The following EXTL3 variants were observed in gnomAD, a reference collection of about 807,000 sequenced individuals.
EXTL3 encodes exostosin like glycosyltransferase 3.
Under a neutral mutation model 69.3 loss-of-function variants are expected in EXTL3, and 27 were observed. That is an observed-to-expected ratio of 0.39 (90% confidence interval 0.29 to 0.54). The LOEUF is 0.54. Ranked by LOEUF, EXTL3 falls within the 20% of genes least tolerant of loss-of-function variation. The pLI is 0.69. For missense variants in EXTL3, 1,003 were observed against 1,231.8 expected (o/e 0.81, Z 2.78); for synonymous variants, 511 against 499.4 (o/e 1.02, Z -0.31).
chr8:28,730,797 T>TG (rs11371107), intron 3 of EXTL3, among the ~76,000 whole-genome samples: 37,210 of 152,014 alleles, frequency 0.24, 4,694 homozygotes, highest in Middle Eastern at 0.32. Context: ...GCGTTAGAAT[T>TG]GGGAGTCAGA....
chr8:28,721,883 C>G (rs1211010537), intron 3 of EXTL3, among the ~76,000 whole-genome samples: 1 of 152,164 alleles, frequency 6.6e-6, no homozygotes, highest in Non-Finnish European at 1.5e-5. Flanking sequence ...AAAGGGACAT[C>G]TTTCATTTAC....
At chr8:28,664,368 T>C (rs557441689) in intron 1 of EXTL3, among the ~76,000 whole-genome samples, 1 of 148,012 alleles carries the variant, frequency 6.8e-6, no homozygotes, top group African/African-American at 2.6e-5. Flanking sequence ...AATCTTTCTT[T>C]CCATCTTTGT....
intron 1 of EXTL3, among the ~76,000 whole-genome samples, chr8:28,694,284 G>A (rs1029960336): frequency 6.6e-6 from 1 of 152,196 alleles, no homozygotes; most frequent in Non-Finnish European, 1.5e-5. Context: ...TGGCATATCT[G>A]TCACACTCTA....
At chr8:28,660,325 C>T (rs889713486) in intron 1 of EXTL3, among the ~76,000 whole-genome samples, 3 of 151,400 alleles carry the variant, frequency 2.0e-5, no homozygotes, top group Admixed American at 6.6e-5. Flanking sequence ...GATTGCACTG[C>T]GGCACTCCAG....
In EXTL3 at chr8:28,717,210, A is replaced by G. The variant is rs1369522088; in HGVS notation, c.1151A>G (p.Lys384Arg). ...DYDDRIIATL[K>R]AVQDSKLDQV... The stretch of plus-strand genomic sequence containing the variant: ...GATGACCGGATCATTGCCACCCTGA[A>G]GGCGGTGCAGGACAGCAAGCTGGAT... Residue 384 changes from lysine to arginine, a missense_variant, in exon 3 of 7, where the codon AAG (lysine) becomes AGG (arginine). Physicochemically the swap from Lys to Arg is conservative, Grantham distance 26 (BLOSUM62 2). Transcript: ENST00000220562. The surrounding 1 kb of genome is among the most constrained non-coding windows in gnomAD (Gnocchi z 8.3). 3 of 1,614,106 alleles carry G rather than the reference A, an allele frequency of 1.9e-6. No individual in the cohort carries two copies. The highest frequency in any genetic ancestry group is 2.5e-6 in the Non-Finnish European group (3 of 1,180,052).
intron 5 of EXTL3, chr8:28,742,384 G>T (rs1801798660): frequency 6.5e-6 from 1 of 154,102 alleles, no homozygotes; most frequent in African/African-American, 2.4e-5. Context: ...GGCCTTGTAG[G>T]ACAGTCTGAG....
chr8:28,703,941 A>G (rs1800866010), intron 1 of EXTL3, among the ~76,000 whole-genome samples: 1 of 152,176 alleles, frequency 6.6e-6, no homozygotes, highest in Non-Finnish European at 1.5e-5. Context: ...TCACGTTTGG[A>G]GGTTTCATGG....
At chr8:28,705,706 G>C (rs1800906879) in intron 1 of EXTL3, among the ~76,000 whole-genome samples, 1 of 152,158 alleles carries the variant, frequency 6.6e-6, no homozygotes, top group Non-Finnish European at 1.5e-5. Context: ...TGTTTGAGAA[G>C]CGAAAACCGT....
chr8:28,752,478 C>G lies in EXTL3; in HGVS notation c.*1612C>G, dbSNP rs1053029462. The stretch of plus-strand genomic sequence containing the variant: ...TCTATTTCTTGGAATACGTTCTCCT[C>G]TGACCTGCCTGTACCACGTGGGTCC... On this transcript the variant is annotated 3_prime_UTR_variant, in exon 7 of 7. Coordinates refer to ENST00000220562, the MANE Select transcript of EXTL3 (RefSeq NM_001440.4). 3.3e-5 allele frequency: 5 copies of G among 152,788 alleles called. No individual in the cohort carries two copies. The highest frequency in any genetic ancestry group is 1.2e-4 in the African/African-American group (5 of 41,460). 9.5% of individuals were successfully genotyped at this position (152,788 alleles called of 1,614,324 possible).
chr8:28,718,257 T>C, intron 3 of EXTL3, 50 bp downstream of exon 3: 1 of 1,551,062 alleles, frequency 6.4e-7, no homozygotes, highest in Non-Finnish European at 8.9e-7. Flanking sequence ...AGTATTTCAC[T>C]CTTAATCCCT....
In EXTL3 at chr8:28,717,187, T is replaced by G. The variant is rs752733986; in HGVS notation, c.1128T>G (p.Asp376Glu). The change falls in exon 3 of 7, where the codon GAT (aspartate) becomes GAG (glutamate). Residue 376 changes from aspartate to glutamate, a missense_variant. Asp to Glu is a conservative substitution (Grantham distance 45). Transcript: ENST00000220562. This position sits in a 1 kb window ranked among gnomAD's most constrained non-coding sequence, Gnocchi z 8.3. ...AGGGCGACCCTCCCGCCGACTACGA[T>G]GACCGGATCATTGCCACCCTGAAGG... ...EMEGDPPADY[D>E]DRIIATLKAV... 9 of 1,614,216 alleles carry G rather than the reference T, an allele frequency of 5.6e-6. No individual in the cohort carries two copies. Among genetic ancestry groups the G allele is most frequent in the Non-Finnish European group, 2.5e-6 (3 of 1,180,040 alleles).
At chr8:28,734,967 T>C (rs1801614552) in intron 4 of EXTL3, among the ~76,000 whole-genome samples, 1 of 152,212 alleles carries the variant, frequency 6.6e-6, no homozygotes, top group East Asian at 1.9e-4. Context: ...TTCTGAAAAA[T>C]TAGAACATCT....
intron 3 of EXTL3, among the ~76,000 whole-genome samples, chr8:28,719,300 C>T (rs567936182): frequency 2.6e-5 from 4 of 152,124 alleles, no homozygotes; most frequent in Non-Finnish European, 5.9e-5. Context: ...GAGGAAACTA[C>T]GATAAGACAA....
intron 4 of EXTL3, among the ~76,000 whole-genome samples, chr8:28,736,879 T>A (rs1377014432): frequency 6.6e-6 from 1 of 152,234 alleles, no homozygotes; most frequent in Non-Finnish European, 1.5e-5. Flanking sequence ...CATAGCTAAC[T>A]GCAGCCTTGA....
intron 3 of EXTL3, among the ~76,000 whole-genome samples, chr8:28,722,535 G>A (rs905035098): frequency 3.3e-5 from 5 of 152,018 alleles, no homozygotes; most frequent in Admixed American, 1.3e-4. Flanking sequence ...CAGCACTTTG[G>A]GAGACTGAGG....
At chr8:28,608,512 A>G (rs1309510481) in intron 2 of EXTL3, among the ~76,000 whole-genome samples, 3 of 152,148 alleles carry the variant, frequency 2.0e-5, no homozygotes, top group African/African-American at 7.2e-5. Context: ...TACATTGATA[A>G]GATCTCTGCT....
chr8:28,692,505 T>C (rs1800630462), intron 1 of EXTL3, among the ~76,000 whole-genome samples: 1 of 152,258 alleles, frequency 6.6e-6, no homozygotes, highest in Admixed American at 6.5e-5. Context: ...AAAACCTATA[T>C]ATTTTTCTTT....
intron 1 of EXTL3, among the ~76,000 whole-genome samples, chr8:28,664,129 T>G (rs935439745): frequency 1.3e-5 from 2 of 152,166 alleles, no homozygotes; most frequent in African/African-American, 2.4e-5. Flanking sequence ...AGACCCGGAT[T>G]TGGCGGGCTG....
chr8:28,743,334 A>T, intron 6 of EXTL3, 120 bp downstream of exon 6: 1 of 1,119,982 alleles, frequency 8.9e-7, no homozygotes, highest in South Asian at 1.2e-5. Context: ...TAGGGATGAT[A>T]CTACCTACCT....
Sources: gnomAD v4.1 joint callset for allele counts (sites outside exome capture counted in the v4.1 genomes callset) on GRCh38, gnomAD v4.1.1 for gene constraint, Gnocchi (gnomAD v3.1) non-coding constraint, MANE v1.5 for transcripts, NCBI Gene and HGNC (gene_info 2026-07-23, HGNC 2026-07-21) for gene names.